The following COLGALT1 variants were observed in gnomAD, a reference collection of about 807,000 sequenced individuals.
COLGALT1 encodes collagen beta(1-O)galactosyltransferase 1, also known as procollagen galactosyltransferase 1.
In COLGALT1, 43 loss-of-function variants were observed where a neutral mutation model predicts 60.8. The observed-to-expected ratio is 0.71, with a 90% confidence interval of 0.55 to 0.91. The LOEUF is 0.91. COLGALT1 is among the 40% of genes least tolerant of loss of function. The probability of loss-of-function intolerance (pLI) is 0.00; values close to 1 mark genes in which losing one functional copy is unlikely to be tolerated. For synonymous variants in COLGALT1, 369 were observed against 374.2 expected, an observed-to-expected ratio of 0.99 and a Z score of 0.16; for missense variants, 845 against 880.0, an observed-to-expected ratio of 0.96 and a Z score of 0.50.
chr19:17,574,457 A>G (rs1029061070), intron 6 of COLGALT1, among the ~76,000 whole-genome samples: 2 of 151,572 alleles, frequency 1.3e-5, no homozygotes, highest in Non-Finnish European at 2.9e-5. Flanking sequence ...CAGCCTCCCG[A>G]GTAGTTGGGA....
chr19:17,578,169 A>G, intron 9 of COLGALT1, 80 bp downstream of exon 9: 1 of 1,410,360 alleles, frequency 7.1e-7, no homozygotes, highest in Non-Finnish European at 9.3e-7. Flanking sequence ...GGGTTGAAAG[A>G]GTTCCCCAAA....
chr19:17,580,902 C>T lies in COLGALT1; in HGVS notation c.1598C>T (p.Pro533Leu). 6.2e-7 allele frequency: 1 copy of T among 1,613,672 alleles called. No individual in the cohort carries two copies. The highest frequency in any genetic ancestry group is 2.2e-5 in the East Asian group (1 of 44,866). The change falls in exon 11 of 12, where the codon CCA becomes CTA. Residue 533 changes from proline to leucine, a missense_variant. Coordinates refer to ENST00000252599, the MANE Select transcript of COLGALT1 (RefSeq NM_024656.4). ...EFLPVMFDKH[P>L]VSEYKAHFSL... ...CTGCCCGTCATGTTCGACAAACACC[C>T]AGTGTGAGAGGGGCAGGCGGCTGCT...
chr19:17,568,800 T>G, intron 5 of COLGALT1, 87 bp downstream of exon 5: 3 of 1,322,298 alleles, frequency 2.3e-6, no homozygotes, highest in African/African-American at 1.4e-5. Context: ...ACACTGAAGA[T>G]TCACAGAACC....
chr19:17,565,691 G>C (rs1382208755), intron 3 of COLGALT1, among the ~76,000 whole-genome samples: 1 of 152,020 alleles, frequency 6.6e-6, no homozygotes. Flanking sequence ...AACAAACAAA[G>C]AAGCTGTTTG....
intron 10 of COLGALT1, 100 bp downstream of exon 10, chr19:17,579,709 G>C: frequency 6.9e-7 from 1 of 1,456,652 alleles, no homozygotes; most frequent in African/African-American, 1.4e-5. Context: ...CCTGGGGATG[G>C]GTCATGGCTT....
At chr19:17,577,002 C>T (rs887461887) in intron 6 of COLGALT1, 193 bp from the exon 7 acceptor site, 1 of 599,224 alleles carries the variant, frequency 1.7e-6, no homozygotes. Context: ...GTGGCCAGGG[C>T]TTTGGGCTGC....
At chr19:17,580,664 G>A (rs369212431) in intron 10 of COLGALT1, 35 bp from the exon 11 acceptor site, 16 of 1,608,976 alleles carry the variant, frequency 9.9e-6, no homozygotes, top group East Asian at 2.2e-5. Flanking sequence ...TCCGGAGGGC[G>A]GGAGGAGAGT....
intron 5 of COLGALT1, among the ~76,000 whole-genome samples, chr19:17,570,785 G>A (rs1041869575): frequency 2.0e-5 from 3 of 151,736 alleles, no homozygotes; most frequent in African/African-American, 4.8e-5. Flanking sequence ...GGCTGGTCTC[G>A]AACTCCTGAC....
At position 17,582,772 on chromosome 19, in the gene COLGALT1, A is replaced by C. The variant is rs1409767978; in HGVS notation, c.*1328A>C. The stretch of plus-strand genomic sequence containing the variant: ...GAGGGAGGGTAGCTCTTCCGCCACC[A>C]GGGGCAAGCACAGGTCCTGGTGGCC... On this transcript the variant is annotated 3_prime_UTR_variant, in exon 12 of 12. Transcript: ENST00000252599. 6.6e-6 allele frequency: 1 copy of C among 152,266 alleles called. No individual in the cohort carries two copies. Among genetic ancestry groups the C allele is most frequent in the Non-Finnish European group, 1.5e-5 (1 of 68,078 alleles). The allele number at this position is 152,266 out of a possible 1,614,324, so 9.4% of individuals were successfully genotyped here.
chr19:17,561,631 CAAAAAAAAAA>C (rs11332403), intron 3 of COLGALT1, among the ~76,000 whole-genome samples: 1 of 72,732 alleles, frequency 1.4e-5, no homozygotes. Context: ...GACTCTGTCT[CAAAAAAAAAA>C]AAAAAAAAAA....
At chr19:17,560,304 T>C in intron 2 of COLGALT1, 44 bp from the exon 3 acceptor site, 1 of 1,547,944 alleles carries the variant, frequency 6.5e-7, no homozygotes, top group Non-Finnish European at 8.9e-7. Context: ...CGCTGGGCTT[T>C]GATAGTGCCT....
chr19:17,559,214 G>T, intron 1 of COLGALT1, 97 bp from the exon 2 acceptor site: 1 of 790,744 alleles, frequency 1.3e-6, no homozygotes, highest in Non-Finnish European at 2.2e-6. Context: ...ATAGCTGGTG[G>T]GAGGCCAGTT....
At chr19:17,557,713 T>A (rs1443661950) in intron 1 of COLGALT1, among the ~76,000 whole-genome samples, 2 of 152,226 alleles carry the variant, frequency 1.3e-5, no homozygotes, top group Non-Finnish European at 2.9e-5. Context: ...GTGATTCTCC[T>A]GCCTCAGCTT....
chr19:17,570,110 G>T lies in COLGALT1; in HGVS notation c.829+1397G>T, dbSNP rs191144882. 4.6e-5 allele frequency among the ~76,000 whole-genome samples: 7 copies of T among 151,408 alleles called. No individual in the cohort carries two copies. The East Asian group carries it at 1.4e-3, about 30-fold the overall frequency. On this transcript the variant is annotated intron_variant, in intron 5 of 11. Coordinates refer to ENST00000252599, the MANE Select transcript of COLGALT1 (RefSeq NM_024656.4). ...GGGTTTCACTGTGTTAGCCAGGATGGTCTTGATCTCTTGACCTTGTGATCT... is the reference window on the plus strand; with the variant it reads ...GGGTTTCACTGTGTTAGCCAGGATGTTCTTGATCTCTTGACCTTGTGATCT...
In COLGALT1 at chr19:17,577,483, G is replaced by C; in HGVS notation, c.1133+16G>C. The stretch of plus-strand genomic sequence containing the variant: ...TGGACGGCAAGTGAGTCCGAGGCCT[G>C]GGGGTGGGGGGGCGGGTCCGCACGT... On this transcript the variant is annotated intron_variant, in intron 8 of 11. Transcript: ENST00000252599. 2.6e-6 allele frequency: 1 copy of C among 385,228 alleles called. No individual in the cohort carries two copies. The highest frequency in any genetic ancestry group is 4.8e-6 in the Non-Finnish European group (1 of 209,624). 23.9% of individuals were successfully genotyped at this position (385,228 alleles called of 1,614,324 possible).
chr19:17,568,450 CG>C lies in COLGALT1; in HGVS notation c.625-56del, dbSNP rs1294175488. ...TCCTGTTTCATGCCGCCCACTATCACGGGTCTCCATCCTCACCTTTCAAGAC... is the reference window on the plus strand; with the variant it reads ...TCCTGTTTCATGCCGCCCACTATCACGGTCTCCATCCTCACCTTTCAAGAC... On this transcript the variant is annotated intron_variant, in intron 4 of 11. Coordinates refer to ENST00000252599, the MANE Select transcript of COLGALT1 (RefSeq NM_024656.4). The C allele has an allele frequency of 4.2e-6, 6 of 1,420,308 alleles. No homozygotes were observed. In the African/African-American group the frequency reaches 8.4e-5, roughly 20 times the overall value. The allele number at this position is 1,420,308 out of a possible 1,614,324, so 88.0% of individuals were successfully genotyped here.
At chr19:17,577,316 C>G (rs780972678) in intron 7 of COLGALT1, 45 bp downstream of exon 7, 13 of 1,609,608 alleles carry the variant, frequency 8.1e-6, no homozygotes, top group Non-Finnish European at 9.3e-6. Context: ...CTGGAGGGCC[C>G]TTGTTTGCAG....
At chr19:17,567,605 A>T (rs1304215490) in intron 4 of COLGALT1, 65 bp downstream of exon 4, 14 of 1,544,620 alleles carry the variant, frequency 9.1e-6, no homozygotes, top group Non-Finnish European at 1.2e-5. Flanking sequence ...GCTAGAGTGT[A>T]ACTTACTGTC....
At chr19:17,557,220 TTGAC>T (rs1190776641) in intron 1 of COLGALT1, among the ~76,000 whole-genome samples, 3 of 152,234 alleles carry the variant, frequency 2.0e-5, no homozygotes, top group African/African-American at 7.2e-5. Context: ...GAATGAATAA[TTGAC>T]TGCAGCCCAC....
Sources: allele counts gnomAD v4.1 joint callset (sites outside exome capture counted in the v4.1 genomes callset), GRCh38; gene constraint gnomAD v4.1.1; transcripts MANE v1.5; gene names NCBI Gene and HGNC (gene_info 2026-07-23, HGNC 2026-07-21).